BAZ1A: variants seen among roughly 807,000 people sequenced by gnomAD.
The protein encoded by BAZ1A is bromodomain adjacent to zinc finger domain protein 1A.
A neutral mutation model predicts 185.2 loss-of-function variants in BAZ1A; 50 were observed. The ratio of observed to expected loss-of-function variants is 0.27; its 90% confidence interval spans 0.22 to 0.34. The LOEUF (loss-of-function observed/expected upper bound fraction) is 0.34, where lower values mean the gene tolerates loss of function less well. Among genes scored for constraint, BAZ1A ranks in the 10% least tolerant of loss-of-function variants. The probability of loss-of-function intolerance (pLI) is 1.00; values close to 1 mark genes in which losing one functional copy is unlikely to be tolerated. For missense variants in BAZ1A, 1,356 were observed against 1,839.9 expected, an observed-to-expected ratio of 0.74 and a Z score of 4.81; for synonymous variants, 571 against 615.6, an observed-to-expected ratio of 0.93 and a Z score of 1.07.
chr14:34,848,939 A>G (rs1254410833), intron 3 of BAZ1A, among the ~76,000 whole-genome samples: 1 of 152,206 alleles, frequency 6.6e-6, no homozygotes, highest in Non-Finnish European at 1.5e-5. Context: ...CCGTCCTCAG[A>G]AAAAGGCAAT....
intron 4 of BAZ1A, among the ~76,000 whole-genome samples, chr14:34,823,260 C>T (rs543656118): frequency 3.3e-5 from 5 of 151,816 alleles, no homozygotes; most frequent in South Asian, 2.1e-4. Context: ...GACGCTAAGG[C>T]GGGAGATCAC....
At position 34,874,480 on chromosome 14, in the gene BAZ1A, C is replaced by T; in HGVS notation, c.113+12G>A. 6.2e-7 allele frequency: 1 copy of T among 1,610,552 alleles called. No individual in the cohort carries two copies. Among genetic ancestry groups the T allele is most frequent in the Non-Finnish European group, 8.5e-7 (1 of 1,177,658 alleles). Reference sequence around the variant, plus strand: ...ACACCCCCCGCGGCCCCGCACACGGCCCGGCTCTTACTCGTAGTGGCGGAA... The same window carrying T: ...ACACCCCCCGCGGCCCCGCACACGGTCCGGCTCTTACTCGTAGTGGCGGAA... On this transcript the variant is annotated intron_variant, in intron 2 of 26. Coordinates refer to ENST00000360310, the MANE Select transcript of BAZ1A (RefSeq NM_013448.3). This position sits in a 1 kb window ranked among gnomAD's most constrained non-coding sequence, Gnocchi z 4.7.
intron 3 of BAZ1A, among the ~76,000 whole-genome samples, chr14:34,832,452 CAAA>C (rs34242045): frequency 8.5e-5 from 12 of 140,986 alleles, no homozygotes; most frequent in Admixed American, 1.4e-4. Flanking sequence ...TCTCACAACT[CAAA>C]AAAAAAAAAA....
At position 34,764,822 on chromosome 14, in the gene BAZ1A, T is replaced by C. The variant is rs150746203; in HGVS notation, c.3661A>G (p.Ser1221Gly). The stretch of plus-strand genomic sequence containing the variant: ...ACTTCATCATCCTCACCTCCCATAC[T>C]GTCTTCCACATCTTCATCACTTTCC... ...SLESDEDVED[S>G]MGGEDDEVDG... is the part of the protein sequence containing the mutation. The change falls in exon 23 of 27, where the codon AGT (serine) becomes GGT (glycine). Residue 1221 changes from serine to glycine, a missense_variant. By Grantham distance (56) the Ser-to-Gly change is moderately conservative (BLOSUM62 0). Around this residue, in one of 7 missense-constraint regions of BAZ1A, gnomAD observed 309 missense variants for 355.3 expected, o/e 0.87. Coordinates refer to ENST00000360310, the MANE Select transcript of BAZ1A (RefSeq NM_013448.3). 113 of 1,614,090 alleles carry C rather than the reference T, an allele frequency of 7.0e-5. No homozygotes were observed. In the African/African-American group the frequency reaches 1.5e-3, roughly 21 times the overall value.
chr14:34,843,700 A>C (rs1473668743), intron 3 of BAZ1A, among the ~76,000 whole-genome samples: 6 of 152,202 alleles, frequency 3.9e-5, no homozygotes, highest in African/African-American at 1.4e-4. Flanking sequence ...CCAGTTTTAC[A>C]GATTAGGAAA....
chr14:34,758,952 T>C, intron 24 of BAZ1A, 106 bp from the exon 25 acceptor site: 3 of 1,076,118 alleles, frequency 2.8e-6, no homozygotes, highest in Non-Finnish European at 4.0e-6. Flanking sequence ...AAATAGACAC[T>C]CCGTACACTG....
chr14:34,778,658 A>C (rs1035577252), intron 17 of BAZ1A, among the ~76,000 whole-genome samples: 1 of 152,156 alleles, frequency 6.6e-6, no homozygotes, highest in African/African-American at 2.4e-5. Context: ...TTATTTTTGC[A>C]TACATTTTCA....
chr14:34,796,268 A>G (rs1881195309), intron 9 of BAZ1A, among the ~76,000 whole-genome samples: 1 of 152,090 alleles, frequency 6.6e-6, no homozygotes, highest in East Asian at 1.9e-4. Context: ...GAAGCCTTGA[A>G]CCCGGGAGGA....
At chr14:34,824,483 TA>T (rs1458670648) in intron 4 of BAZ1A, among the ~76,000 whole-genome samples, 1 of 140,888 alleles carries the variant, frequency 7.1e-6, no homozygotes, top group East Asian at 2.3e-4. Flanking sequence ...TTCACTCACC[TA>T]AAAATTATTC....
At chr14:34,837,625 A>G (rs2042350394) in intron 3 of BAZ1A, among the ~76,000 whole-genome samples, 1 of 152,220 alleles carries the variant, frequency 6.6e-6, no homozygotes, top group Admixed American at 6.5e-5. Context: ...ATATCTGGAT[A>G]TTATTAATAT....
At chr14:34,820,550 T>C (rs1024768068) in intron 4 of BAZ1A, among the ~76,000 whole-genome samples, 31 of 152,230 alleles carry the variant, frequency 2.0e-4, no homozygotes, top group African/African-American at 7.5e-4. Context: ...TGACAAGGTC[T>C]TTTGCAGAGT....
chr14:34,867,616 C>T (rs1594918709), intron 2 of BAZ1A, among the ~76,000 whole-genome samples: 1 of 152,204 alleles, frequency 6.6e-6, no homozygotes, highest in African/African-American at 2.4e-5. Context: ...AATGTTTGTG[C>T]CATTTGTTTC....
intron 3 of BAZ1A, among the ~76,000 whole-genome samples, chr14:34,835,797 G>A (rs565363101): frequency 4.0e-5 from 6 of 150,396 alleles, no homozygotes; most frequent in South Asian, 2.1e-4. Flanking sequence ...TCAGCCTCCC[G>A]AGTAGCTGGG....
At chr14:34,870,270 T>A (rs906174614) in intron 2 of BAZ1A, among the ~76,000 whole-genome samples, 1 of 152,190 alleles carries the variant, frequency 6.6e-6, no homozygotes, top group Non-Finnish European at 1.5e-5. Context: ...GAATCTCTGC[T>A]ATACCATCCA....
At chr14:34,816,950 T>A (rs1056385682) in intron 4 of BAZ1A, 1 of 311,078 alleles carries the variant, frequency 3.2e-6, no homozygotes, top group African/African-American at 2.2e-5. Context: ...AATTTTTGAG[T>A]GAAAGGAACA....
chr14:34,754,680 G>A (rs1462856501), intron 26 of BAZ1A, 147 bp downstream of exon 26: 9 of 528,870 alleles, frequency 1.7e-5, no homozygotes, highest in Non-Finnish European at 3.0e-5. Flanking sequence ...GAACCTCATG[G>A]AATGCCATCT....
intron 2 of BAZ1A, among the ~76,000 whole-genome samples, chr14:34,867,976 TTACTAC>T (rs2042887732): frequency 6.6e-6 from 1 of 152,236 alleles, no homozygotes; most frequent in Non-Finnish European, 1.5e-5. Context: ...GAAATACATT[TTACTAC>T]TATAAGCAAA....
chr14:34,764,760 TTCC>T lies in BAZ1A; in HGVS notation c.3720_3722del (p.Glu1242del), dbSNP rs1180664095. The T allele has an allele frequency of 1.2e-5, 19 of 1,608,996 alleles. No homozygotes were observed. Among genetic ancestry groups the T allele is most frequent in the Non-Finnish European group, 1.6e-5 (19 of 1,175,342 alleles). The stretch of plus-strand genomic sequence containing the variant: ...CTTCATCTTGTTCTACCTCATACTC[TTCC>T]TCCTCACTTTGACCTTCTTCTTCAT... On this transcript the variant is annotated inframe_deletion, in exon 23 of 27. Transcript: ENST00000360310.
chr14:34,809,425 A>C (rs1263183685), intron 5 of BAZ1A, among the ~76,000 whole-genome samples: 1 of 152,206 alleles, frequency 6.6e-6, no homozygotes, highest in East Asian at 1.9e-4. Flanking sequence ...TTCTAGCTAC[A>C]TTTCAAATGC....
Sources: gnomAD v4.1 joint callset for allele counts (sites outside exome capture counted in the v4.1 genomes callset) on GRCh38, gnomAD v4.1.1 for gene constraint, gnomAD v4.1.1 regional missense constraint, Gnocchi (gnomAD v3.1) non-coding constraint, MANE v1.5 for transcripts, NCBI Gene and HGNC (gene_info 2026-07-23, HGNC 2026-07-21) for gene names.